Variants in USP35 observed in about 807,000 individuals in gnomAD.
USP35 encodes the protein ubiquitin specific peptidase 35.
A neutral mutation model predicts 83.8 loss-of-function variants in USP35; 69 were observed. The ratio of observed to expected loss-of-function variants is 0.82; its 90% CI spans 0.68 to 1.01. The LOEUF is 1.01. Ranked by LOEUF, USP35 falls within the 50% of genes least tolerant of loss-of-function variation. The probability of loss-of-function intolerance (pLI) is 0.00; values close to 1 mark genes in which losing one functional copy is unlikely to be tolerated. For missense variants in USP35, 1,503 were observed against 1,362.5 expected, an observed-to-expected ratio of 1.10 and a Z score of -1.62; for synonymous variants, 714 against 589.5, an observed-to-expected ratio of 1.21 and a Z score of -3.06.
At chr11:78,194,723 G>T (rs1027652597) in intron 1 of USP35, among the ~76,000 whole-genome samples, 2 of 152,124 alleles carry the variant, frequency 1.3e-5, no homozygotes, top group Admixed American at 1.3e-4. Context: ...GAGGAGTAAG[G>T]TAGAGATGAC....
At position 78,200,243 on chromosome 11, in the gene USP35, C is replaced by G; in HGVS notation, c.1038+9C>G. The G allele has an allele frequency of 6.2e-7, 1 of 1,613,556 alleles. No individual in the cohort carries two copies. Among genetic ancestry groups the G allele is most frequent in the Non-Finnish European group, 8.5e-7 (1 of 1,179,574 alleles). ...ACGAAGCCTTCCACCTGGTAAGGTC[C>G]CCTGCCTGCTGCCCCTGGTGAGGCC... On this transcript the variant is annotated intron_variant, in intron 5 of 10. Coordinates refer to ENST00000529308, the MANE Select transcript of USP35 (RefSeq NM_020798.4).
the USP35 span, chr11:78,227,115 CA>C: frequency 9.2e-7 from 1 of 1,084,880 alleles, no homozygotes. Context: ...GACCTTGAGG[CA>C]AAGCACTTTC....
At position 78,188,977 on chromosome 11, in the gene USP35, C is replaced by A. The variant is rs543575284; in HGVS notation, c.-191C>A. ...TGGATACATAGAGGCTTGTGCCAGG[C>A]GGGGTGGGAAGACTGGATTTTGCAG... On this transcript the variant is annotated 5_prime_UTR_variant, in exon 1 of 11. Coordinates refer to ENST00000529308, the MANE Select transcript of USP35 (RefSeq NM_020798.4). 21 of 984,046 alleles carry A rather than the reference C, an allele frequency of 2.1e-5. No individual in the cohort carries two copies. Among genetic ancestry groups the A allele is most frequent in the African/African-American group, 2.1e-4 (12 of 57,342 alleles). The allele number at this position is 984,046 out of a possible 1,614,324, so 61.0% of individuals were successfully genotyped here.
Position 78,196,474 on chromosome 11 carries a change from G to A in USP35, c.229G>A (p.Ala77Thr). 2 of 1,244,790 alleles carry A rather than the reference G, an allele frequency of 1.6e-6. No homozygotes were observed. Among genetic ancestry groups the A allele is most frequent in the African/African-American group, 1.6e-5 (1 of 61,918 alleles). The allele number at this position is 1,244,790 out of a possible 1,614,324, so 77.1% of individuals were successfully genotyped here. A position where few individuals can be genotyped will look rare whatever the true frequency, so the allele number is the denominator to read the frequency against. The change falls in exon 2 of 11, where the codon GCC becomes ACC. Residue 77 changes from alanine (A) to threonine (T), a missense_variant. By Grantham distance (58) the Ala-to-Thr change is moderately conservative (BLOSUM62 0). Coordinates refer to ENST00000529308, the MANE Select transcript of USP35 (RefSeq NM_020798.4). This position sits in a 1 kb window ranked among gnomAD's most constrained non-coding sequence, Gnocchi z 4.8. The stretch of plus-strand genomic sequence containing the variant: ...CGGCCGCCACCACCCCGACGTCTTC[G>A]CCGAGTTCTTCAGCGCGCGTCGCGT... ...VAGRHHPDVF[A>T]EFFSARRVLR... is the part of the protein sequence containing the mutation.
At chr11:78,194,207 T>G (rs1402422019) in intron 1 of USP35, among the ~76,000 whole-genome samples, 1 of 150,280 alleles carries the variant, frequency 6.7e-6, no homozygotes, top group Non-Finnish European at 1.5e-5. Flanking sequence ...TAATAAACCC[T>G]GGTCCTTTCC....
intron 6 of USP35, among the ~76,000 whole-genome samples, chr11:78,201,379 A>G (rs533207801): frequency 2.6e-5 from 4 of 152,362 alleles, no homozygotes; most frequent in African/African-American, 9.6e-5. Context: ...CAGGCTGGGA[A>G]CTGGGGGCAT....
At chr11:78,225,294 T>G in the USP35 span, 1 of 792,754 alleles carries the variant, frequency 1.3e-6, no homozygotes, top group African/African-American at 1.7e-5. Flanking sequence ...AAGGTCTTAC[T>G]GATACTCCAG....
At chr11:78,229,057 A>G in the USP35 span, among the ~76,000 whole-genome samples, 2 of 152,324 alleles carry the variant, frequency 1.3e-5, no homozygotes, top group African/African-American at 4.8e-5. Context: ...ATGTCACAGT[A>G]GGGCAGGAGA....
chr11:78,196,017 C>T lies in USP35; in HGVS notation c.-10-219C>T, dbSNP rs934497227. On this transcript the variant is annotated intron_variant, in intron 1 of 10. Coordinates refer to ENST00000529308, the MANE Select transcript of USP35 (RefSeq NM_020798.4). The surrounding 1 kb of genome is among the most constrained non-coding windows in gnomAD (Gnocchi z 4.8). ...TGCTGGGATTACAGGTGTGAGTCAC[C>T]ACGCAGGCCCCTGGCATTTATTATG... Among the ~76,000 whole-genome samples, 2 of 152,208 alleles carry T rather than the reference C, an allele frequency of 1.3e-5. No homozygotes were observed. The highest frequency in any genetic ancestry group is 2.4e-5 in the African/African-American group (1 of 41,450).
chr11:78,192,419 C>A (rs1285212868), intron 1 of USP35, among the ~76,000 whole-genome samples: 5 of 152,372 alleles, frequency 3.3e-5, no homozygotes, highest in African/African-American at 9.6e-5. Flanking sequence ...TTTCTTCATT[C>A]CTGCCAGTGG....
intron 1 of USP35, among the ~76,000 whole-genome samples, chr11:78,191,041 C>T (rs575529271): frequency 1.8e-4 from 28 of 152,294 alleles, no homozygotes; most frequent in African/African-American, 6.5e-4. Context: ...CGGAATGGTG[C>T]TTACCGTGTA....
At chr11:78,225,163 C>G in the USP35 span, 1 of 1,613,616 alleles carries the variant, frequency 6.2e-7, no homozygotes, top group Non-Finnish European at 8.5e-7. Flanking sequence ...TGCACTCTCT[C>G]CACCACGCTG....
Position 78,189,140 on chromosome 11 carries a change from C to G in USP35, c.-28C>G. ...CGCCCCGCCCAGCAGCCGGCTCTGG[C>G]CCACCGGGGTCCGGGAGGTAAGGGG... On this transcript the variant is annotated 5_prime_UTR_variant, in exon 1 of 11. Coordinates refer to ENST00000529308, the MANE Select transcript of USP35 (RefSeq NM_020798.4). The G allele has an allele frequency of 4.9e-6, 1 of 202,656 alleles. No homozygotes were observed. The highest frequency in any genetic ancestry group is 8.8e-6 in the Non-Finnish European group (1 of 114,142). The allele number at this position is 202,656 out of a possible 1,614,324, so 12.6% of individuals were successfully genotyped here. A position where few individuals can be genotyped will look rare whatever the true frequency, so the allele number is the denominator to read the frequency against.
At chr11:78,227,631 C>CAAAAAAAAAAAAAAAAAAAAA in the USP35 span, among the ~76,000 whole-genome samples, 67 of 106,086 alleles carry the variant, frequency 6.3e-4, no homozygotes, top group African/African-American at 2.2e-3. Flanking sequence ...CCATTGCCAC[C>CAAAAAAAAAAAAAAAAAAAAA]AAAAAAAAAA....
At chr11:78,231,326 G>A in the USP35 span, among the ~76,000 whole-genome samples, 8 of 131,550 alleles carry the variant, frequency 6.1e-5, no homozygotes, top group Non-Finnish European at 9.4e-5. Flanking sequence ...GTGCGCGCGC[G>A]CGCGTGTGTG....
At chr11:78,222,978 T>C in the USP35 span, among the ~76,000 whole-genome samples, 1 of 152,156 alleles carries the variant, frequency 6.6e-6, no homozygotes, top group Non-Finnish European at 1.5e-5. Flanking sequence ...TGGAGGAAGG[T>C]AGATGCCATA....
chr11:78,196,233 C>T lies in USP35; in HGVS notation c.-10-3C>T. 6.3e-7 allele frequency: 1 copy of T among 1,582,768 alleles called. No homozygotes were observed. The highest frequency in any genetic ancestry group is 8.5e-7 in the Non-Finnish European group (1 of 1,171,990). ...CTGTGACCTCATTCCCTGTCCTCCG[C>T]AGCGCGGGCGCCATGGACAAGATCT... On this transcript the variant is annotated splice_region_variant and splice_polypyrimidine_tract_variant and intron_variant, in intron 1 of 10. Transcript: ENST00000529308. The surrounding 1 kb of genome is among the most constrained non-coding windows in gnomAD (Gnocchi z 4.8).
chr11:78,204,007 C>T lies in USP35; in HGVS notation c.1198-1835C>T, dbSNP rs892119284. On this transcript the variant is annotated intron_variant, in intron 6 of 10. Coordinates refer to ENST00000529308, the MANE Select transcript of USP35 (RefSeq NM_020798.4). Reference sequence around the variant, plus strand: ...CCGGGTTCACGCCATTCTCCTGCCTCAGCCTCCCAAGTAGCTGGGACTACA... The same window carrying T: ...CCGGGTTCACGCCATTCTCCTGCCTTAGCCTCCCAAGTAGCTGGGACTACA... Among the ~76,000 whole-genome samples the T allele has an allele frequency of 6.7e-5, 10 of 148,516 alleles. No homozygotes were observed. The East Asian group carries it at 1.8e-3, about 26-fold the overall frequency.
intron 3 of USP35, chr11:78,199,177 T>C (rs909749590): frequency 1.8e-5 from 4 of 222,102 alleles, no homozygotes; most frequent in Non-Finnish European, 3.7e-5. Flanking sequence ...GGAGGTATTA[T>C]CCCCATTTTA....
Sources: gnomAD v4.1 joint callset for allele counts (sites outside exome capture counted in the v4.1 genomes callset) on GRCh38, gnomAD v4.1.1 for gene constraint, Gnocchi (gnomAD v3.1) non-coding constraint, MANE v1.5 for transcripts, NCBI Gene and HGNC (gene_info 2026-07-23, HGNC 2026-07-21) for gene names.